LINGO2: variants seen among roughly 807,000 people sequenced by gnomAD.
The protein encoded by LINGO2 is leucine-rich repeat and immunoglobulin-like domain-containing nogo receptor-interacting protein 2.
LINGO2 carries 14 observed loss-of-function variants against 30.6 expected under a neutral mutation model. The observed-to-expected ratio is 0.46, with a 90% CI of 0.30 to 0.72. LINGO2 has a LOEUF of 0.72. Ranked by LOEUF, LINGO2 falls within the 30% of genes least tolerant of loss-of-function variation. The pLI, the probability that LINGO2 is intolerant of heterozygous loss-of-function variation, is 0.07. For synonymous variants in LINGO2, 317 were observed against 288.5 expected (o/e 1.10, Z -1.00); for missense variants, 729 against 751.7 (o/e 0.97, Z 0.35).
chr9:28,958,378 A>G, the LINGO2 span, among the ~76,000 whole-genome samples: 1 of 152,196 alleles, frequency 6.6e-6, no homozygotes, highest in Non-Finnish European at 1.5e-5. Context: ...AAAAGACAAC[A>G]CATGAATTCA....
intron 2 of LINGO2, among the ~76,000 whole-genome samples, chr9:28,464,137 C>A (rs1825200452): frequency 1.3e-5 from 2 of 152,126 alleles, no homozygotes; most frequent in Non-Finnish European, 2.9e-5. Flanking sequence ...ATTATTATTT[C>A]ATAATACAAT....
intron 1 of LINGO2, among the ~76,000 whole-genome samples, chr9:28,478,283 ATCTGAATCAT>A (rs1825801748): frequency 6.6e-6 from 1 of 152,076 alleles, no homozygotes; most frequent in Non-Finnish European, 1.5e-5. Flanking sequence ...TTTTTTTCCT[ATCTGAATCAT>A]TCTACTAAAA....
the LINGO2 span, among the ~76,000 whole-genome samples, chr9:29,045,369 T>G: frequency 2.0e-5 from 3 of 151,956 alleles, no homozygotes; most frequent in African/African-American, 7.2e-5. Flanking sequence ...ACTATGGAGC[T>G]GCAAAAAGGG....
chr9:29,017,617 C>T, the LINGO2 span, among the ~76,000 whole-genome samples: 3 of 152,116 alleles, frequency 2.0e-5, no homozygotes, highest in African/African-American at 4.8e-5. Flanking sequence ...TAAGAAACCA[C>T]GTTGGCATGC....
At chr9:29,126,308 T>C in the LINGO2 span, among the ~76,000 whole-genome samples, 1 of 152,140 alleles carries the variant, frequency 6.6e-6, no homozygotes, top group Non-Finnish European at 1.5e-5. Context: ...TGTGTGACCC[T>C]GAAAATGTCA....
chr9:28,893,398 C>G, the LINGO2 span, among the ~76,000 whole-genome samples: 2 of 151,950 alleles, frequency 1.3e-5, no homozygotes, highest in Non-Finnish European at 2.9e-5. Context: ...TAACATCACT[C>G]TGAGAAAGTC....
the LINGO2 span, among the ~76,000 whole-genome samples, chr9:28,796,082 A>G: frequency 2.8e-3 from 416 of 146,780 alleles, 3 homozygotes; most frequent in African/African-American, 9.7e-3. Flanking sequence ...ATAACTAAAT[A>G]GTGCACAAAA....
the LINGO2 span, among the ~76,000 whole-genome samples, chr9:28,829,388 T>C: frequency 0.41 from 62,070 of 152,046 alleles, 13,676 homozygotes; most frequent in Middle Eastern, 0.54. Flanking sequence ...GTTGTCACAC[T>C]GATCCTCTGC....
At chr9:28,235,028 T>A (rs1378895704) in intron 4 of LINGO2, among the ~76,000 whole-genome samples, 1 of 152,146 alleles carries the variant, frequency 6.6e-6, no homozygotes, top group Admixed American at 6.5e-5. Context: ...GCCTGGGCAC[T>A]GAGAAATTCA....
chr9:28,314,279 C>T (rs1193110469), intron 3 of LINGO2, among the ~76,000 whole-genome samples: 4 of 152,128 alleles, frequency 2.6e-5, no homozygotes, highest in African/African-American at 9.7e-5. Flanking sequence ...ATGATTGTGG[C>T]ATGAAATACT....
At chr9:28,704,851 G>C in the LINGO2 span, among the ~76,000 whole-genome samples, 1 of 151,764 alleles carries the variant, frequency 6.6e-6, no homozygotes, top group Non-Finnish European at 1.5e-5. Flanking sequence ...GTTATTCAAA[G>C]TTTTAAAAAA....
intron 2 of LINGO2, among the ~76,000 whole-genome samples, chr9:28,398,505 A>G (rs1316807265): frequency 6.6e-6 from 1 of 152,200 alleles, no homozygotes; most frequent in Non-Finnish European, 1.5e-5. Context: ...AATGTAAAAT[A>G]AGATAATTTG....
At chr9:28,988,748 C>T in the LINGO2 span, among the ~76,000 whole-genome samples, 2,873 of 152,274 alleles carry the variant, frequency 0.019, 23 homozygotes, top group South Asian at 0.053. Context: ...AAACCATGAG[C>T]CCAGGGAAAT....
At chr9:28,054,073 A>C (rs1246235548) in intron 4 of LINGO2, among the ~76,000 whole-genome samples, 1 of 151,800 alleles carries the variant, frequency 6.6e-6, no homozygotes, top group Admixed American at 6.6e-5. Flanking sequence ...ACAAAAAAAA[A>C]GAGAAAGTGG....
At chr9:28,339,048 T>C (rs1564132807) in intron 3 of LINGO2, among the ~76,000 whole-genome samples, 1 of 152,168 alleles carries the variant, frequency 6.6e-6, no homozygotes, top group Non-Finnish European at 1.5e-5. Context: ...GCATGCTCTC[T>C]AAGCATGAAA....
intron 1 of LINGO2, among the ~76,000 whole-genome samples, chr9:28,632,105 T>C (rs1331235280): frequency 2.0e-5 from 3 of 151,836 alleles, no homozygotes; most frequent in African/African-American, 7.3e-5. Flanking sequence ...CATAGTGGAG[T>C]GTGACTGGTG....
the LINGO2 span, among the ~76,000 whole-genome samples, chr9:29,213,594 A>G: frequency 1.3e-5 from 2 of 152,146 alleles, no homozygotes; most frequent in South Asian, 2.1e-4. Context: ...CGGGCTGCGC[A>G]CACACACAGG....
chr9:28,529,207 T>C (rs1381233301), intron 1 of LINGO2, among the ~76,000 whole-genome samples: 1 of 152,114 alleles, frequency 6.6e-6, no homozygotes, highest in Non-Finnish European at 1.5e-5. Flanking sequence ...GAAATAAATA[T>C]AACATACAAT....
chr9:28,668,774 A>G (rs1828901566), intron 1 of LINGO2, among the ~76,000 whole-genome samples: 1 of 152,176 alleles, frequency 6.6e-6, no homozygotes, highest in Admixed American at 6.5e-5. Flanking sequence ...AAATCATTTC[A>G]AATTTATCAT....
Sources: gnomAD v4.1 joint callset for allele counts (sites outside exome capture counted in the v4.1 genomes callset) on GRCh38, gnomAD v4.1.1 for gene constraint, MANE v1.5 for transcripts, NCBI Gene and HGNC (gene_info 2026-07-23, HGNC 2026-07-21) for gene names.